SKIC3: variants seen among roughly 807,000 people sequenced by gnomAD.
SKIC3 encodes superkiller complex protein 3.
At chr5:95,541,283 A>G in the SKIC3 span, 6 of 1,612,010 alleles carry the variant, frequency 3.7e-6, no homozygotes, top group Non-Finnish European at 5.1e-6. Context: ...TATTAAAAGA[A>G]GTCAGAAAAT....
the SKIC3 span, chr5:95,497,482 A>G: frequency 6.2e-7 from 1 of 1,613,454 alleles, no homozygotes. Context: ...CAGGGTCACC[A>G]GGGTTGCTAA....
At chr5:95,490,316 T>C in the SKIC3 span, among the ~76,000 whole-genome samples, 1 of 151,662 alleles carries the variant, frequency 6.6e-6, no homozygotes, top group African/African-American at 2.4e-5. Context: ...CAGAACCCAT[T>C]GGGCTTTTAA....
chr5:95,540,460 T>A, the SKIC3 span, among the ~76,000 whole-genome samples: 33 of 145,594 alleles, frequency 2.3e-4, no homozygotes, highest in African/African-American at 8.1e-4. Context: ...AATTAAAAAT[T>A]AAAAAAAAAA....
At chr5:95,478,513 A>G in the SKIC3 span, 5 of 1,589,164 alleles carry the variant, frequency 3.1e-6, no homozygotes, top group East Asian at 4.5e-5. Context: ...CCTACTTCCA[A>G]CAAATTCAAT....
chr5:95,520,190 A>T, the SKIC3 span, among the ~76,000 whole-genome samples: 3 of 151,910 alleles, frequency 2.0e-5, no homozygotes, highest in African/African-American at 7.3e-5. Flanking sequence ...ATAAAATGCC[A>T]AATCTACTCA....
At chr5:95,464,316 C>G in the SKIC3 span, 1 of 355,462 alleles carries the variant, frequency 2.8e-6, no homozygotes, top group South Asian at 2.8e-5. Context: ...TATTGTGCAC[C>G]ATGCAAGATG....
chr5:95,513,557 G>A, the SKIC3 span: 1 of 1,610,600 alleles, frequency 6.2e-7, no homozygotes, highest in Non-Finnish European at 8.5e-7. Flanking sequence ...CAAGAAGAAT[G>A]TTCAGATTCT....
At chr5:95,494,907 CCTTCAT>C in the SKIC3 span, 1 of 1,595,208 alleles carries the variant, frequency 6.3e-7, no homozygotes, top group South Asian at 1.1e-5. Flanking sequence ...AACTATTATT[CCTTCAT>C]CAATATTATT....
chr5:95,478,263 A>T, the SKIC3 span: 1 of 1,612,478 alleles, frequency 6.2e-7, no homozygotes, highest in Non-Finnish European at 8.5e-7. Flanking sequence ...TCAATTTTTC[A>T]TGATCATAAT....
chr5:95,502,140 G>A, the SKIC3 span, among the ~76,000 whole-genome samples: 1 of 152,072 alleles, frequency 6.6e-6, no homozygotes, highest in African/African-American at 2.4e-5. Context: ...GGTAGTTACA[G>A]AGGCAATTTT....
chr5:95,497,387 C>T, the SKIC3 span: 1 of 1,569,674 alleles, frequency 6.4e-7, no homozygotes. Context: ...TATTTTATCT[C>T]TTTGCTAGAA....
chr5:95,497,990 G>C, the SKIC3 span, among the ~76,000 whole-genome samples: 1 of 152,210 alleles, frequency 6.6e-6, no homozygotes, highest in Admixed American at 6.5e-5. Flanking sequence ...ACTAATGACA[G>C]CTTCCTTTTA....
At chr5:95,523,333 A>G in the SKIC3 span, 4 of 1,610,014 alleles carry the variant, frequency 2.5e-6, no homozygotes, top group East Asian at 4.5e-5. Flanking sequence ...TTTCCTAATA[A>G]TAAGAAAATA....
At chr5:95,516,407 A>G in the SKIC3 span, 1 of 1,613,126 alleles carries the variant, frequency 6.2e-7, no homozygotes, top group South Asian at 1.1e-5. Flanking sequence ...ATGCAACAGC[A>G]TTCTAAAAAA....
the SKIC3 span, among the ~76,000 whole-genome samples, chr5:95,476,830 G>C: frequency 6.6e-6 from 1 of 152,128 alleles, no homozygotes; most frequent in South Asian, 2.1e-4. Flanking sequence ...TGAACTGCAA[G>C]CTAATTTCTT....
the SKIC3 span, among the ~76,000 whole-genome samples, chr5:95,490,492 A>G: frequency 7.5e-6 from 1 of 133,930 alleles, no homozygotes; most frequent in Non-Finnish European, 1.5e-5. Flanking sequence ...AAATATACAT[A>G]TATATATATA....
At chr5:95,540,650 A>G in the SKIC3 span, 1 of 1,611,280 alleles carries the variant, frequency 6.2e-7, no homozygotes, top group Non-Finnish European at 8.5e-7. Flanking sequence ...TTAAATGATC[A>G]ATTTTCATGA....
At chr5:95,523,695 C>A in the SKIC3 span, 1 of 1,613,564 alleles carries the variant, frequency 6.2e-7, no homozygotes, top group Non-Finnish European at 8.5e-7. Flanking sequence ...TGCTGCAGCT[C>A]CAGATTCAGC....
the SKIC3 span, among the ~76,000 whole-genome samples, chr5:95,497,064 T>C: frequency 6.6e-6 from 1 of 152,220 alleles, no homozygotes; most frequent in Non-Finnish European, 1.5e-5. Context: ...AAATTATATT[T>C]TGGGATTCAA....
Sources: gnomAD v4.1 joint callset for allele counts (sites outside exome capture counted in the v4.1 genomes callset) on GRCh38, gnomAD v4.1.1 for gene constraint, MANE v1.5 for transcripts, NCBI Gene and HGNC (gene_info 2026-07-23, HGNC 2026-07-21) for gene names.